KAZN: variants seen among roughly 807,000 people sequenced by gnomAD.
The protein encoded by KAZN is kazrin, periplakin interacting protein.
A neutral mutation model predicts 87.4 loss-of-function variants in KAZN; 40 were observed. The observed-to-expected ratio is 0.46, with a 90% CI of 0.36 to 0.60. The LOEUF (loss-of-function observed/expected upper bound fraction) is 0.60. Ranked by LOEUF, KAZN falls within the 20% of genes least tolerant of loss-of-function variation. KAZN has a pLI of 0.00. For synonymous variants in KAZN, 466 were observed against 458.3 expected, an observed-to-expected ratio of 1.02 and a Z score of -0.22; for missense variants, 898 against 1,073.9, an observed-to-expected ratio of 0.84 and a Z score of 2.29.
intron 5 of KAZN, 23 bp from the exon 6 acceptor site, chr1:15,060,149 C>G (rs750069927): frequency 1.2e-6 from 2 of 1,613,788 alleles, no homozygotes; most frequent in African/African-American, 2.7e-5. Context: ...ATCCCTCACT[C>G]ACCAGCTGTC....
intron 1 of KAZN, among the ~76,000 whole-genome samples, chr1:14,019,531 C>T (rs1177223892): frequency 6.6e-6 from 1 of 152,186 alleles, no homozygotes; most frequent in African/African-American, 2.4e-5. Context: ...CCCCTTTCCT[C>T]CACCATGACC....
rs1258682420 is a variant in KAZN at position 15,114,674 on chromosome 1, A to G, written c.*39A>G. The G allele has an allele frequency of 1.9e-6, 3 of 1,546,186 alleles. No homozygotes were observed. In the Admixed American group the frequency reaches 6.0e-5, roughly 31 times the overall value. On this transcript the variant is annotated 3_prime_UTR_variant, in exon 15 of 15. Transcript: ENST00000376030. ...CCACCAGACCCAACGTGAGAGACCC[A>G]GGAAGGAAGAGAAGCCAGATGGCCC...
At chr1:14,703,231 C>T (rs565661905) in intron 1 of KAZN, among the ~76,000 whole-genome samples, 74 of 152,294 alleles carry the variant, frequency 4.9e-4, no homozygotes, top group South Asian at 3.7e-3. Context: ...CGAGGTGGCT[C>T]ACACCTGTAC....
intron 1 of KAZN, among the ~76,000 whole-genome samples, chr1:14,889,278 A>G (rs1181864533): frequency 6.6e-6 from 1 of 152,224 alleles, no homozygotes; most frequent in African/African-American, 2.4e-5. Flanking sequence ...AGAAATAGCA[A>G]TCTACCACAA....
chr1:14,436,248 T>G (rs1016852690), intron 2 of KAZN, among the ~76,000 whole-genome samples: 13 of 148,834 alleles, frequency 8.7e-5, no homozygotes, highest in Admixed American at 8.7e-4. Flanking sequence ...GAAAAGAAAA[T>G]GGAATGCACA....
intron 1 of KAZN, among the ~76,000 whole-genome samples, chr1:14,919,771 T>C (rs1351613177): frequency 6.6e-6 from 1 of 152,206 alleles, no homozygotes; most frequent in Non-Finnish European, 1.5e-5. Context: ...TTATACTGTA[T>C]TTTTACTGTA....
At chr1:14,539,257 T>C (rs935207882) in intron 2 of KAZN, among the ~76,000 whole-genome samples, 1 of 152,198 alleles carries the variant, frequency 6.6e-6, no homozygotes, top group African/African-American at 2.4e-5. Context: ...ACAAAGGATA[T>C]GGTAGAATTT....
At chr1:14,212,622 C>T (rs573644006) in intron 2 of KAZN, among the ~76,000 whole-genome samples, 1 of 152,076 alleles carries the variant, frequency 6.6e-6, no homozygotes, top group African/African-American at 2.4e-5. Context: ...ATCCCAGCTG[C>T]CAGCAGGGAA....
chr1:14,681,837 G>A (rs1159143785), intron 1 of KAZN, among the ~76,000 whole-genome samples: 2 of 148,292 alleles, frequency 1.3e-5, no homozygotes, highest in Admixed American at 6.7e-5. Context: ...GACTACAGGC[G>A]CCCGCCACCA....
intron 2 of KAZN, among the ~76,000 whole-genome samples, chr1:14,317,847 T>C (rs561518883): frequency 5.7e-4 from 86 of 152,090 alleles, no homozygotes; most frequent in African/African-American, 2.0e-3. Flanking sequence ...AAAGTCACAG[T>C]TTCCAAGAAC....
At chr1:14,171,536 C>A (rs1415524885) in intron 1 of KAZN, among the ~76,000 whole-genome samples, 6 of 152,034 alleles carry the variant, frequency 3.9e-5, no homozygotes, top group Admixed American at 3.9e-4. Context: ...TTAATGAGAC[C>A]ATATTAAAGC....
chr1:14,719,877 G>A (rs1484281980), intron 1 of KAZN, among the ~76,000 whole-genome samples: 1 of 152,154 alleles, frequency 6.6e-6, no homozygotes, highest in African/African-American at 2.4e-5. Flanking sequence ...AAACATGCAG[G>A]TGCTGGGAAG....
chr1:13,902,782 A>C (rs1010087761), intron 1 of KAZN, among the ~76,000 whole-genome samples: 1 of 152,238 alleles, frequency 6.6e-6, no homozygotes, highest in Non-Finnish European at 1.5e-5. Flanking sequence ...TATGAATGTA[A>C]TGAAATATCA....
At chr1:14,652,861 A>G (rs887897706) in intron 1 of KAZN, among the ~76,000 whole-genome samples, 2 of 150,726 alleles carry the variant, frequency 1.3e-5, no homozygotes, top group African/African-American at 4.9e-5. Context: ...CCCCATGGCA[A>G]TTGGGGACAT....
At chr1:14,770,449 G>A (rs185293767) in intron 1 of KAZN, among the ~76,000 whole-genome samples, 4 of 152,266 alleles carry the variant, frequency 2.6e-5, no homozygotes, top group South Asian at 2.1e-4. Context: ...TATGAGGGAT[G>A]AGGGCAAGGG....
intron 2 of KAZN, chr1:14,304,604 C>T (rs1654788284): frequency 2.5e-6 from 1 of 398,284 alleles, no homozygotes; most frequent in African/African-American, 2.1e-5. Context: ...CATCCATAAA[C>T]ACATGGACAA....
At chr1:14,626,232 C>A (rs1024967114) in intron 1 of KAZN, among the ~76,000 whole-genome samples, 23 of 152,190 alleles carry the variant, frequency 1.5e-4, no homozygotes, top group African/African-American at 5.3e-4. Context: ...TTCTGGCTGT[C>A]AATCAATGAC....
intron 1 of KAZN, among the ~76,000 whole-genome samples, chr1:13,936,096 G>GTTTTTTTTTT (rs70984301): frequency 0.04 from 3,384 of 84,542 alleles, 717 homozygotes; most frequent in African/African-American, 0.077. Flanking sequence ...TACAAGTGCA[G>GTTTTTTTTTT]TTTTTTTTTT....
chr1:14,390,136 TAAA>T (rs1307408401), intron 2 of KAZN, among the ~76,000 whole-genome samples: 1 of 152,084 alleles, frequency 6.6e-6, no homozygotes, highest in Non-Finnish European at 1.5e-5. Flanking sequence ...TACATGTAAA[TAAA>T]AACAAATCAA....
Sources: allele counts gnomAD v4.1 joint callset (sites outside exome capture counted in the v4.1 genomes callset), GRCh38; gene constraint gnomAD v4.1.1; transcripts MANE v1.5; gene names NCBI Gene and HGNC (gene_info 2026-07-23, HGNC 2026-07-21).